TLL1: variants seen among roughly 807,000 people sequenced by gnomAD.
The protein encoded by TLL1 is tolloid like 1.
In TLL1, 49 loss-of-function variants were observed where a neutral mutation model predicts 128.2. The ratio of observed to expected loss-of-function variants is 0.38; its 90% CI spans 0.30 to 0.48. The LOEUF (loss-of-function observed/expected upper bound fraction) is 0.48. TLL1 is among the 20% of genes least tolerant of loss of function. TLL1 has a pLI of 0.96. For synonymous variants in TLL1, 454 were observed against 418.8 expected (o/e 1.08, Z -1.03); for missense variants, 1,123 against 1,242.0 (o/e 0.90, Z 1.44).
chr4:165,975,976 T>C (rs1735858743), intron 1 of TLL1, among the ~76,000 whole-genome samples: 1 of 129,852 alleles, frequency 7.7e-6, no homozygotes. Context: ...AGGTAGAGGT[T>C]GCAGTAAGCT....
At chr4:165,882,704 C>T (rs1340786509) in intron 1 of TLL1, among the ~76,000 whole-genome samples, 7 of 152,004 alleles carry the variant, frequency 4.6e-5, no homozygotes, top group African/African-American at 1.2e-4. Context: ...CTGCAACCTC[C>T]GCCTCCCAGG....
At chr4:166,015,857 G>GTT (rs143975584) in intron 8 of TLL1, among the ~76,000 whole-genome samples, 144 of 144,956 alleles carry the variant, frequency 9.9e-4, no homozygotes, top group African/African-American at 1.5e-3. Context: ...AAGAAATTAT[G>GTT]TTTTTTTTTT....
At position 165,957,647 on chromosome 4, in the gene TLL1, C is replaced by A. The variant is rs190012668; in HGVS notation, c.170-31734C>A. Among the ~76,000 whole-genome samples, 3 of 151,494 alleles carry A rather than the reference C, an allele frequency of 2.0e-5. No homozygotes were observed. In the South Asian group the frequency reaches 6.2e-4, roughly 32 times the overall value. ...CTGCACCATATTTGTAGACTTTTATCGCTCGTCCCCATCCTACTCTTCCAC... is the reference window on the plus strand; with the variant it reads ...CTGCACCATATTTGTAGACTTTTATAGCTCGTCCCCATCCTACTCTTCCAC... On this transcript the variant is annotated intron_variant, in intron 1 of 20. Coordinates refer to ENST00000061240, the MANE Select transcript of TLL1 (RefSeq NM_012464.5).
At chr4:165,917,700 T>TGAGTCATCTACAAAGCAC (rs1358980207) in intron 1 of TLL1, among the ~76,000 whole-genome samples, 2 of 152,154 alleles carry the variant, frequency 1.3e-5, no homozygotes, top group African/African-American at 4.8e-5. Context: ...CCCCAAAGCA[T>TGAGTCATCTACAAAGCAC]GAGTCATCTA....
At chr4:166,002,241 C>G (rs1339531426) in intron 5 of TLL1, among the ~76,000 whole-genome samples, 1 of 152,056 alleles carries the variant, frequency 6.6e-6, no homozygotes, top group Non-Finnish European at 1.5e-5. Context: ...TTTATAAAGG[C>G]AGTGATCTCT....
At chr4:165,973,258 G>T (rs1402563755) in intron 1 of TLL1, among the ~76,000 whole-genome samples, 1 of 152,206 alleles carries the variant, frequency 6.6e-6, no homozygotes, top group Non-Finnish European at 1.5e-5. Flanking sequence ...AGCTGATAGT[G>T]CAGCCTTTAC....
chr4:166,087,343 A>C (rs1741571344), intron 18 of TLL1, among the ~76,000 whole-genome samples: 1 of 152,174 alleles, frequency 6.6e-6, no homozygotes, highest in African/African-American at 2.4e-5. Flanking sequence ...ATAAATCCAT[A>C]AAAATATATT....
At chr4:165,904,634 T>G (rs1732164388) in intron 1 of TLL1, among the ~76,000 whole-genome samples, 2 of 152,240 alleles carry the variant, frequency 1.3e-5, no homozygotes, top group Non-Finnish European at 2.9e-5. Context: ...TAATTCCTTC[T>G]TAATTCATAA....
intron 1 of TLL1, among the ~76,000 whole-genome samples, chr4:165,986,375 T>G (rs1736393813): frequency 6.6e-6 from 1 of 152,052 alleles, no homozygotes; most frequent in African/African-American, 2.4e-5. Context: ...GTGTGCAGTA[T>G]GAAGAAAGAA....
At chr4:165,900,054 A>AT (rs546256716) in intron 1 of TLL1, among the ~76,000 whole-genome samples, 7,526 of 126,920 alleles carry the variant, frequency 0.059, 508 homozygotes, top group African/African-American at 0.17. Context: ...GCTTTCCCTG[A>AT]TTTTTTTTTT....
intron 1 of TLL1, among the ~76,000 whole-genome samples, chr4:165,930,984 G>A (rs1733487359): frequency 6.6e-6 from 1 of 152,110 alleles, no homozygotes; most frequent in South Asian, 2.1e-4. Context: ...AGTGCTCCTT[G>A]GGTGTCAAGC....
intron 1 of TLL1, among the ~76,000 whole-genome samples, chr4:165,953,850 G>A (rs1734656882): frequency 1.3e-5 from 2 of 151,996 alleles, no homozygotes; most frequent in Non-Finnish European, 2.9e-5. Context: ...CATTGGAAAC[G>A]TAAGGTTCTA....
At chr4:165,935,417 C>T (rs1003031299) in intron 1 of TLL1, among the ~76,000 whole-genome samples, 2 of 152,156 alleles carry the variant, frequency 1.3e-5, no homozygotes. Context: ...TAATGTAGTA[C>T]TAATTTAATG....
At chr4:166,072,593 A>G (rs1227646394) in intron 16 of TLL1, among the ~76,000 whole-genome samples, 3 of 151,620 alleles carry the variant, frequency 2.0e-5, no homozygotes, top group Non-Finnish European at 4.4e-5. Context: ...TTTTTTTTTA[A>G]CAAATCTTGA....
chr4:166,058,482 G>C (rs1462957991), intron 14 of TLL1, among the ~76,000 whole-genome samples: 10 of 152,024 alleles, frequency 6.6e-5, no homozygotes, highest in Non-Finnish European at 1.5e-5. Flanking sequence ...GTGGTTATCT[G>C]CATTTCGTCT....
intron 18 of TLL1, among the ~76,000 whole-genome samples, chr4:166,089,125 T>A (rs1239853823): frequency 6.6e-6 from 1 of 152,164 alleles, no homozygotes; most frequent in African/African-American, 2.4e-5. Flanking sequence ...AAGAGATACT[T>A]GCTCAACATG....
At chr4:165,978,467 T>G (rs537010089) in intron 1 of TLL1, among the ~76,000 whole-genome samples, 1 of 152,254 alleles carries the variant, frequency 6.6e-6, no homozygotes, top group East Asian at 1.9e-4. Context: ...AGTTTTTGCT[T>G]TTTACACTTT....
At position 165,994,404 on chromosome 4, in the gene TLL1, A is replaced by G; in HGVS notation, c.385A>G (p.Lys129Glu). The change falls in exon 4 of 21, where the codon AAG becomes GAG. Residue 129 changes from lysine to glutamate, a missense_variant. This residue lies in a region of TLL1 where 480 missense variants were observed against 542.4 expected (regional missense o/e 0.89). Transcript: ENST00000061240. ...AGGCTTGGAGCAAAACAACACAGTT[A>G]AGGGAAAAGTACCTCTACAATTCTC... is the stretch of plus-strand genomic sequence containing the variant. ...GFGLEQNNTVKGKVPLQFSGQ... is the reference protein window; with the variant it reads ...GFGLEQNNTVEGKVPLQFSGQ... The G allele has an allele frequency of 6.2e-7, 1 of 1,614,060 alleles. No individual in the cohort carries two copies. Among genetic ancestry groups the G allele is most frequent in the Non-Finnish European group, 8.5e-7 (1 of 1,179,934 alleles).
intron 1 of TLL1, among the ~76,000 whole-genome samples, chr4:165,875,877 A>C (rs2110799672): frequency 6.6e-6 from 1 of 152,216 alleles, no homozygotes; most frequent in South Asian, 2.1e-4. Flanking sequence ...ATTAGTGTTT[A>C]GTTTCCTCAG....
Sources: gnomAD v4.1 joint callset for allele counts (sites outside exome capture counted in the v4.1 genomes callset) on GRCh38, gnomAD v4.1.1 for gene constraint, gnomAD v4.1.1 regional missense constraint, MANE v1.5 for transcripts, NCBI Gene and HGNC (gene_info 2026-07-23, HGNC 2026-07-21) for gene names.